UNC79: variants seen among roughly 807,000 people sequenced by gnomAD.
UNC79 encodes unc-79 subunit of NALCN channel complex.
UNC79 carries 37 observed loss-of-function variants against 283.1 expected under a neutral mutation model. The observed-to-expected ratio is 0.13, with a 90% CI of 0.10 to 0.17. The LOEUF is 0.17. UNC79 is among the 10% of genes least tolerant of loss of function. The pLI is 1.00. For synonymous variants in UNC79, 1,107 were observed against 1,200.2 expected (o/e 0.92, Z 1.61); for missense variants, 2,272 against 3,211.1 (o/e 0.71, Z 7.07).
chr14:93,561,880 G>A (rs879142104), intron 14 of UNC79, among the ~76,000 whole-genome samples: 1 of 152,192 alleles, frequency 6.6e-6, no homozygotes, highest in Non-Finnish European at 1.5e-5. Context: ...ACGGTGAATA[G>A]GAGTGTGACT....
At chr14:93,463,532 G>A (rs933704781) in intron 1 of UNC79, among the ~76,000 whole-genome samples, 6 of 152,156 alleles carry the variant, frequency 3.9e-5, no homozygotes, top group African/African-American at 1.2e-4. Context: ...AGCAAAGGAG[G>A]AGAGATTAAT....
chr14:93,557,773 C>G (rs910488802), intron 14 of UNC79, among the ~76,000 whole-genome samples: 1 of 152,226 alleles, frequency 6.6e-6, no homozygotes, highest in African/African-American at 2.4e-5. Context: ...ACCCATGCCA[C>G]CATCATGAAT....
intron 27 of UNC79, among the ~76,000 whole-genome samples, chr14:93,615,827 TC>T (rs1021106986): frequency 4.0e-5 from 6 of 150,788 alleles, no homozygotes; most frequent in African/African-American, 1.5e-4. Flanking sequence ...TTTGTATAAC[TC>T]CAGAAAACCC....
rs983630607 is a variant in UNC79 at position 93,532,417 on chromosome 14, C to T, written c.1094-133C>T. 6.8e-6 allele frequency: 7 copies of T among 1,027,142 alleles called. No homozygotes were observed. In the African/African-American group the frequency reaches 1.1e-4, roughly 17 times the overall value. 63.6% of individuals were successfully genotyped at this position (1,027,142 alleles called of 1,614,324 possible). ...AAGGCGTTCAAGAGGCTGTGGTGGG[C>T]TATGATGGTGCCATTGCACTCCAGC... On this transcript the variant is annotated intron_variant, in intron 10 of 48. Coordinates refer to ENST00000555664, the Ensembl canonical transcript of UNC79.
At chr14:93,669,993 G>A (rs895110041) in intron 40 of UNC79, among the ~76,000 whole-genome samples, 1 of 152,094 alleles carries the variant, frequency 6.6e-6, no homozygotes, top group Non-Finnish European at 1.5e-5. Context: ...AACCCCACAG[G>A]GACTCTACTT....
chr14:93,641,623 T>A (rs1246087177), intron 33 of UNC79, among the ~76,000 whole-genome samples: 1 of 152,098 alleles, frequency 6.6e-6, no homozygotes, highest in African/African-American at 2.4e-5. Flanking sequence ...ACTACACTCC[T>A]GCCTGGGTGA....
intron 41 of UNC79, among the ~76,000 whole-genome samples, chr14:93,677,118 A>G (rs1388750338): frequency 6.6e-6 from 1 of 152,174 alleles, no homozygotes; most frequent in Non-Finnish European, 1.5e-5. Flanking sequence ...AAAGTAACAA[A>G]TCTTTGTTCT....
At chr14:93,504,639 C>CATTGTCTA (rs1204889888) in intron 7 of UNC79, among the ~76,000 whole-genome samples, 1 of 151,784 alleles carries the variant, frequency 6.6e-6, no homozygotes, top group African/African-American at 2.4e-5. Context: ...CTAAAAATTA[C>CATTGTCTA]ATTGTCTAAC....
At chr14:93,367,342 A>G (rs530481841) in intron 1 of UNC79, among the ~76,000 whole-genome samples, 31 of 152,358 alleles carry the variant, frequency 2.0e-4, no homozygotes, top group African/African-American at 7.0e-4. Context: ...CTGAACCCTC[A>G]GATGGTAGAA....
chr14:93,596,152 A>G (rs899989579), intron 23 of UNC79, among the ~76,000 whole-genome samples: 2 of 152,242 alleles, frequency 1.3e-5, no homozygotes, highest in African/African-American at 2.4e-5. Flanking sequence ...ATGTCATATA[A>G]TGAGCACATA....
At chr14:93,415,260 T>G (rs1158032821) in intron 1 of UNC79, among the ~76,000 whole-genome samples, 8 of 152,178 alleles carry the variant, frequency 5.3e-5, no homozygotes, top group African/African-American at 1.2e-4. Flanking sequence ...GGCCTTTTCT[T>G]CATCTATTGA....
intron 5 of UNC79, among the ~76,000 whole-genome samples, chr14:93,488,902 C>G (rs2058586603): frequency 6.6e-6 from 1 of 152,196 alleles, no homozygotes; most frequent in Admixed American, 6.5e-5. Context: ...GGCCCCAACT[C>G]TGAATACCAT....
chr14:93,632,477 T>C (rs1397646888), intron 31 of UNC79, among the ~76,000 whole-genome samples: 1 of 152,154 alleles, frequency 6.6e-6, no homozygotes, highest in Non-Finnish European at 1.5e-5. Flanking sequence ...GGCAGGAGGA[T>C]CACTTGAGCC....
chr14:93,699,003 T>C lies in UNC79; in HGVS notation c.7548+4591T>C, dbSNP rs1337615775. Among the ~76,000 whole-genome samples the C allele has an allele frequency of 2.0e-5, 3 of 152,234 alleles. No individual in the cohort carries two copies. The East Asian group carries it at 5.8e-4, about 29-fold the overall frequency. ...ATTTACTAATAAAACAGTCCAGCTT[T>C]CTTTTGACTAATGATAGGATGGTAC... On this transcript the variant is annotated intron_variant, in intron 47 of 48. Transcript: ENST00000555664.
At chr14:93,482,849 C>T (rs12886169) in intron 4 of UNC79, among the ~76,000 whole-genome samples, 46,553 of 151,944 alleles carry the variant, frequency 0.31, 7,488 homozygotes, top group East Asian at 0.64. Context: ...TAAATCAGAT[C>T]ATGCCACTTC....
At chr14:93,673,690 G>A (rs1484311752) in intron 41 of UNC79, among the ~76,000 whole-genome samples, 1 of 152,060 alleles carries the variant, frequency 6.6e-6, no homozygotes, top group African/African-American at 2.4e-5. Flanking sequence ...TTCTGTGGGG[G>A]TTAAAAAGAA....
At chr14:93,564,009 C>T (rs1184280364) in intron 14 of UNC79, among the ~76,000 whole-genome samples, 2 of 152,170 alleles carry the variant, frequency 1.3e-5, no homozygotes, top group African/African-American at 2.4e-5. Flanking sequence ...GCAGTGGCAG[C>T]CACTGCACGG....
chr14:93,606,550 C>T (rs1288344000), intron 26 of UNC79, among the ~76,000 whole-genome samples: 34 of 152,188 alleles, frequency 2.2e-4, no homozygotes. Context: ...TAAATGGAAA[C>T]TGAAGAACTT....
intron 1 of UNC79, among the ~76,000 whole-genome samples, chr14:93,347,623 G>C (rs2053885335): frequency 6.6e-6 from 1 of 152,128 alleles, no homozygotes; most frequent in African/African-American, 2.4e-5. Context: ...GAAAGCCCGG[G>C]ACCCTGAGGA....
Sources: gnomAD v4.1 joint callset for allele counts (sites outside exome capture counted in the v4.1 genomes callset) on GRCh38, gnomAD v4.1.1 for gene constraint, MANE v1.5 for transcripts, NCBI Gene and HGNC (gene_info 2026-07-23, HGNC 2026-07-21) for gene names.